The following UNC5C variants were observed in gnomAD, a reference collection of about 807,000 sequenced individuals.
UNC5C encodes unc-5 netrin receptor C, also known as netrin receptor UNC5C.
Under a neutral mutation model 99.8 loss-of-function variants are expected in UNC5C, and 47 were observed. The ratio of observed to expected loss-of-function variants is 0.47; its 90% CI spans 0.37 to 0.60. The LOEUF is 0.60. Among genes scored for constraint, UNC5C ranks in the 20% least tolerant of loss-of-function variants. UNC5C has a pLI of 0.00. For missense variants in UNC5C, 1,062 were observed against 1,165.9 expected, an observed-to-expected ratio of 0.91 and a Z score of 1.30; for synonymous variants, 487 against 452.2, an observed-to-expected ratio of 1.08 and a Z score of -0.98.
rs144738092 is a variant in UNC5C at position 95,485,628 on chromosome 4, A to T, written c.124+63106T>A. 2.2e-3 allele frequency among the ~76,000 whole-genome samples: 335 copies of T among 151,914 alleles called. 2 individuals carry two copies. The highest frequency in any genetic ancestry group is 7.6e-3 in the African/African-American group (317 of 41,524). On this transcript the variant is annotated intron_variant, in intron 1 of 15. Transcript: ENST00000453304. ...ATAAGCACTTGAAAACTGAATGATG[A>T]TGATATGTCCCTGAATTACTACAGT...
intron 2 of UNC5C, among the ~76,000 whole-genome samples, chr4:95,302,131 T>G (rs1741904852): frequency 6.6e-6 from 1 of 152,220 alleles, no homozygotes; most frequent in African/African-American, 2.4e-5. Context: ...AATAAACGTA[T>G]GTACACAGAT....
At chr4:95,275,009 G>C (rs1371241534) in intron 4 of UNC5C, among the ~76,000 whole-genome samples, 1 of 101,702 alleles carries the variant, frequency 9.8e-6, no homozygotes, top group Non-Finnish European at 2.0e-5. Flanking sequence ...CTGGATGACA[G>C]AGCAAGACTC....
At chr4:95,299,095 C>T (rs1220072243) in intron 3 of UNC5C, among the ~76,000 whole-genome samples, 1 of 152,112 alleles carries the variant, frequency 6.6e-6, no homozygotes, top group Non-Finnish European at 1.5e-5. Context: ...ACCCTCAGTT[C>T]CTCAGGATGT....
chr4:95,391,811 TCA>T (rs35624920), intron 1 of UNC5C, among the ~76,000 whole-genome samples: 14,912 of 149,474 alleles, frequency 0.1, 846 homozygotes, highest in Admixed American at 0.15. Flanking sequence ...GCACTGTGGC[TCA>T]CACCTGTAAT....
At chr4:95,189,648 GAAAC>G (rs535160477) in intron 12 of UNC5C, among the ~76,000 whole-genome samples, 310 of 152,198 alleles carry the variant, frequency 2.0e-3, no homozygotes, top group South Asian at 0.01. Context: ...TTACGAGAAA[GAAAC>G]AAACAACCCC....
chr4:95,540,502 C>T (rs1722892434), intron 1 of UNC5C, among the ~76,000 whole-genome samples: 1 of 152,124 alleles, frequency 6.6e-6, no homozygotes, highest in Non-Finnish European at 1.5e-5. Flanking sequence ...ATCCCTAACA[C>T]ATTTTTAAGC....
chr4:95,330,525 C>T (rs1743070073), intron 2 of UNC5C, among the ~76,000 whole-genome samples: 1 of 152,034 alleles, frequency 6.6e-6, no homozygotes, highest in South Asian at 2.1e-4. Flanking sequence ...TCTTTTACTG[C>T]ATTTTAATTT....
chr4:95,466,480 C>T (rs171944), intron 1 of UNC5C, among the ~76,000 whole-genome samples: 37,385 of 151,874 alleles, frequency 0.25, 5,709 homozygotes, highest in African/African-American at 0.42. Flanking sequence ...TAAATACCCT[C>T]AATTCCATTT....
intron 1 of UNC5C, among the ~76,000 whole-genome samples, chr4:95,389,477 T>C (rs1249823056): frequency 6.6e-6 from 1 of 152,160 alleles, no homozygotes; most frequent in Admixed American, 6.5e-5. Context: ...TCTAGAACGA[T>C]AATTCTATCT....
intron 1 of UNC5C, among the ~76,000 whole-genome samples, chr4:95,372,895 G>T (rs1051916697): frequency 6.6e-6 from 1 of 152,116 alleles, no homozygotes; most frequent in African/African-American, 2.4e-5. Context: ...GTAGCACCAG[G>T]CCCTAGGTCC....
At chr4:95,270,467 G>A (rs554593797) in intron 4 of UNC5C, among the ~76,000 whole-genome samples, 1 of 152,286 alleles carries the variant, frequency 6.6e-6, no homozygotes, top group South Asian at 2.1e-4. Flanking sequence ...GAAACTAGTG[G>A]CATTTTGCTC....
At chr4:95,282,833 C>T (rs190737369) in intron 3 of UNC5C, among the ~76,000 whole-genome samples, 45 of 152,226 alleles carry the variant, frequency 3.0e-4, no homozygotes, top group African/African-American at 1.0e-3. Flanking sequence ...TCACTTTTTA[C>T]ACAAAATGGA....
intron 1 of UNC5C, among the ~76,000 whole-genome samples, chr4:95,416,204 A>G (rs970508963): frequency 4.6e-5 from 7 of 152,188 alleles, no homozygotes; most frequent in African/African-American, 1.2e-4. Context: ...GCAGAGACCA[A>G]GGAAACATCT....
chr4:95,182,209 C>T (rs1364046118), intron 14 of UNC5C, among the ~76,000 whole-genome samples: 2 of 152,152 alleles, frequency 1.3e-5, no homozygotes. Flanking sequence ...AATATGGACA[C>T]AGGGAAATAG....
intron 3 of UNC5C, among the ~76,000 whole-genome samples, chr4:95,299,843 G>C (rs1022584257): frequency 6.6e-6 from 1 of 152,152 alleles, no homozygotes; most frequent in Non-Finnish European, 1.5e-5. Context: ...GGTGAGATTT[G>C]GGTGGGACAC....
intron 1 of UNC5C, among the ~76,000 whole-genome samples, chr4:95,534,488 T>C (rs1177029067): frequency 2.6e-5 from 4 of 152,178 alleles, no homozygotes; most frequent in East Asian, 1.9e-4. Flanking sequence ...GTATTCTTTG[T>C]AGCTGAAAGG....
At chr4:95,311,382 A>G (rs1056083259) in intron 2 of UNC5C, among the ~76,000 whole-genome samples, 1 of 152,222 alleles carries the variant, frequency 6.6e-6, no homozygotes, top group Non-Finnish European at 1.5e-5. Flanking sequence ...CAAATGCAAC[A>G]TTCTTCTAAA....
chr4:95,295,777 C>T (rs1741648962), intron 3 of UNC5C, among the ~76,000 whole-genome samples: 1 of 152,176 alleles, frequency 6.6e-6, no homozygotes, highest in South Asian at 2.1e-4. Flanking sequence ...TCACTTGATA[C>T]AGGACAGAGT....
chr4:95,541,127 T>C (rs1409938893), intron 1 of UNC5C, among the ~76,000 whole-genome samples: 4 of 152,194 alleles, frequency 2.6e-5, no homozygotes, highest in Non-Finnish European at 4.4e-5. Context: ...AAAGGTAAAG[T>C]AGTCCCCCTG....
Sources: gnomAD v4.1 joint callset for allele counts (sites outside exome capture counted in the v4.1 genomes callset) on GRCh38, gnomAD v4.1.1 for gene constraint, MANE v1.5 for transcripts, NCBI Gene and HGNC (gene_info 2026-07-23, HGNC 2026-07-21) for gene names.